PDE4D: variants seen among roughly 807,000 people sequenced by gnomAD.
PDE4D encodes the protein 3',5'-cyclic-AMP phosphodiesterase 4D.
A neutral mutation model predicts 87.4 loss-of-function variants in PDE4D; 24 were observed. That is an observed-to-expected ratio of 0.27 (90% CI 0.20 to 0.39). The LOEUF (loss-of-function observed/expected upper bound fraction) is 0.39, where lower values mean the gene tolerates loss of function less well. Ranked by LOEUF, PDE4D falls within the 10% of genes least tolerant of loss-of-function variation. The probability of loss-of-function intolerance (pLI) is 1.00; values close to 1 mark genes in which losing one functional copy is unlikely to be tolerated. For synonymous variants in PDE4D, 384 were observed against 383.2 expected (o/e 1.00, Z -0.02); for missense variants, 714 against 1,041.0 (o/e 0.69, Z 4.32).
At chr5:60,234,701 T>C (rs1746226342) in intron 1 of PDE4D, among the ~76,000 whole-genome samples, 1 of 151,902 alleles carries the variant, frequency 6.6e-6, no homozygotes, top group South Asian at 2.1e-4. Context: ...AATTTTAAAA[T>C]TAGTAATTCA....
intron 1 of PDE4D, among the ~76,000 whole-genome samples, chr5:59,232,350 C>T (rs1480625996): frequency 6.6e-6 from 1 of 152,008 alleles, no homozygotes; most frequent in African/African-American, 2.4e-5. Flanking sequence ...CCCAAATAAT[C>T]CCATCAAAAA....
At chr5:60,310,314 A>G (rs939072608) in intron 1 of PDE4D, among the ~76,000 whole-genome samples, 2 of 152,256 alleles carry the variant, frequency 1.3e-5, no homozygotes, top group African/African-American at 4.8e-5. Flanking sequence ...TTTGAGAAGA[A>G]CAATAAAAAT....
chr5:59,593,390 T>A (rs1057033558), intron 1 of PDE4D, among the ~76,000 whole-genome samples: 2 of 152,062 alleles, frequency 1.3e-5, no homozygotes, highest in Admixed American at 6.6e-5. Context: ...ATTAGATGTA[T>A]CCAAAATAGA....
At chr5:59,843,708 A>T (rs1486171166) in intron 1 of PDE4D, among the ~76,000 whole-genome samples, 1 of 152,058 alleles carries the variant, frequency 6.6e-6, no homozygotes, top group African/African-American at 2.4e-5. Flanking sequence ...GATAAACAGC[A>T]CTTGGCACCT....
chr5:59,236,653 A>T (rs1238342970), intron 1 of PDE4D, among the ~76,000 whole-genome samples: 6 of 152,098 alleles, frequency 3.9e-5, no homozygotes, highest in Non-Finnish European at 8.8e-5. Flanking sequence ...GAAGAGCCAA[A>T]GCTGTCGTCA....
chr5:59,770,750 C>G (rs1156858385), intron 1 of PDE4D, among the ~76,000 whole-genome samples: 1 of 152,062 alleles, frequency 6.6e-6, no homozygotes, highest in Non-Finnish European at 1.5e-5. Flanking sequence ...GAAAAAATCT[C>G]TAGTTTCTGA....
At chr5:59,635,103 T>C (rs1215306181) in intron 1 of PDE4D, among the ~76,000 whole-genome samples, 4 of 152,090 alleles carry the variant, frequency 2.6e-5, no homozygotes, top group Admixed American at 1.3e-4. Flanking sequence ...GAGAATACTA[T>C]AAACACCTCT....
intron 2 of PDE4D, among the ~76,000 whole-genome samples, chr5:60,171,345 A>T (rs1783410367): frequency 6.6e-6 from 1 of 152,070 alleles, no homozygotes; most frequent in Non-Finnish European, 1.5e-5. Context: ...TACTCTTTAC[A>T]GAAAGGGACC....
chr5:60,108,397 G>T (rs893684509), intron 2 of PDE4D, among the ~76,000 whole-genome samples: 2 of 152,134 alleles, frequency 1.3e-5, no homozygotes, highest in African/African-American at 4.8e-5. Context: ...ATGTTCATGG[G>T]TCGGAAGAAT....
intron 1 of PDE4D, among the ~76,000 whole-genome samples, chr5:59,762,880 T>TATATATATATAG (rs1554079502): frequency 1.5e-5 from 2 of 133,006 alleles, no homozygotes; most frequent in African/African-American, 5.6e-5. Context: ...TATATATATA[T>TATATATATATAG]ATATATATAT....
At chr5:60,120,224 A>C (rs140007502) in intron 2 of PDE4D, among the ~76,000 whole-genome samples, 7 of 152,322 alleles carry the variant, frequency 4.6e-5, no homozygotes, top group African/African-American at 1.7e-4. Flanking sequence ...TCATGTTTTC[A>C]AGACAAGTGA....
intron 1 of PDE4D, among the ~76,000 whole-genome samples, chr5:59,741,667 T>G (rs113666368): frequency 6.6e-6 from 1 of 152,216 alleles, no homozygotes; most frequent in Non-Finnish European, 1.5e-5. Flanking sequence ...ACTGACTACA[T>G]GTCTAAAAGA....
At chr5:59,000,438 G>A (rs1457234232) in intron 6 of PDE4D, among the ~76,000 whole-genome samples, 2 of 152,128 alleles carry the variant, frequency 1.3e-5, no homozygotes, top group East Asian at 1.9e-4. Context: ...TAAACAATAC[G>A]ACTAATGTCC....
intron 2 of PDE4D, among the ~76,000 whole-genome samples, chr5:60,159,518 G>T (rs558162580): frequency 7.2e-5 from 11 of 152,088 alleles, no homozygotes; most frequent in African/African-American, 2.7e-4. Flanking sequence ...GAGTTTGTTT[G>T]CACCTGCATC....
At chr5:60,289,948 G>C (rs1752742775) in intron 1 of PDE4D, among the ~76,000 whole-genome samples, 1 of 152,074 alleles carries the variant, frequency 6.6e-6, no homozygotes, top group African/African-American at 2.4e-5. Context: ...GTTAAATTGG[G>C]TAGGTTAATG....
intron 1 of PDE4D, among the ~76,000 whole-genome samples, chr5:59,550,797 A>G (rs826435): frequency 0.7 from 106,584 of 151,490 alleles, 38,229 homozygotes; most frequent in South Asian, 0.83. Context: ...ACCAGGTTCA[A>G]GAGATTCTCC....
intron 2 of PDE4D, among the ~76,000 whole-genome samples, chr5:60,164,448 C>A (rs924154640): frequency 2.0e-4 from 30 of 152,072 alleles, no homozygotes; most frequent in Admixed American, 1.2e-3. Flanking sequence ...TTTTCTCCTT[C>A]CATTCTATTT....
At chr5:60,030,613 T>C (rs962635505) in intron 2 of PDE4D, among the ~76,000 whole-genome samples, 7 of 152,224 alleles carry the variant, frequency 4.6e-5, no homozygotes, top group African/African-American at 1.7e-4. Flanking sequence ...AATCAAATCT[T>C]AAAAAGACAC....
chr5:59,291,551 TG>T (rs879499110), intron 1 of PDE4D, among the ~76,000 whole-genome samples: 3 of 152,018 alleles, frequency 2.0e-5, no homozygotes, highest in Non-Finnish European at 2.9e-5. Context: ...ATTTATTGTA[TG>T]TTTTTTAAGC....
Sources: allele counts gnomAD v4.1 joint callset (sites outside exome capture counted in the v4.1 genomes callset), GRCh38; gene constraint gnomAD v4.1.1; transcripts MANE v1.5; gene names NCBI Gene and HGNC (gene_info 2026-07-23, HGNC 2026-07-21).